Variants in KLF16 observed in about 807,000 individuals in gnomAD.
KLF16 encodes the protein KLF transcription factor 16.
Under a neutral mutation model 6.1 loss-of-function variants are expected in KLF16, and 6 were observed. That is an observed-to-expected ratio of 0.98 (90% CI 0.54 to 1.93). KLF16 has a LOEUF of 1.93. Among genes scored for constraint, KLF16 ranks in the 30% most tolerant of loss-of-function variants. The probability of loss-of-function intolerance (pLI) is 0.01; values close to 1 mark genes in which losing one functional copy is unlikely to be tolerated. For synonymous variants in KLF16, 211 were observed against 176.5 expected, an observed-to-expected ratio of 1.20 and a Z score of -1.55; for missense variants, 355 against 363.8, an observed-to-expected ratio of 0.98 and a Z score of 0.20.
intron 1 of KLF16, among the ~76,000 whole-genome samples, chr19:1,855,371 G>A (rs957409317): frequency 1.3e-5 from 2 of 151,020 alleles, no homozygotes; most frequent in Admixed American, 6.6e-5. Context: ...TCTGGGCCCC[G>A]ATCTCGGGGT....
In KLF16 at chr19:1,857,439, G is replaced by A. The variant is rs2011977171; in HGVS notation, c.458-2679C>T. On this transcript the variant is annotated intron_variant, in intron 1 of 1. Transcript: ENST00000250916. This position sits in a 1 kb window ranked among gnomAD's most constrained non-coding sequence, Gnocchi z 4.7. ...AACGCGGGAGGGCAGTGTGGGCGGG[G>A]CCGCGGTGGACTTGACCCTCTGACT... Among the ~76,000 whole-genome samples the A allele has an allele frequency of 1.3e-5, 2 of 152,238 alleles. No homozygotes were observed. Among genetic ancestry groups the A allele is most frequent in the Non-Finnish European group, 1.5e-5 (1 of 68,040 alleles).
the KLF16 span, among the ~76,000 whole-genome samples, chr19:1,869,026 CAAGATAGACTTTT>C: frequency 6.6e-6 from 1 of 151,988 alleles, no homozygotes; most frequent in Non-Finnish European, 1.5e-5. Flanking sequence ...CCTGAAGAAC[CAAGATAGACTTTT>C]AAGAGACTCA....
intron 1 of KLF16, among the ~76,000 whole-genome samples, chr19:1,858,250 T>C (rs2011994358): frequency 6.6e-6 from 1 of 152,022 alleles, no homozygotes; most frequent in Admixed American, 6.5e-5. Context: ...AGTGCAGTAG[T>C]CCAGCAGCTC....
the KLF16 span, among the ~76,000 whole-genome samples, chr19:1,869,372 C>T: frequency 6.6e-6 from 1 of 152,136 alleles, no homozygotes; most frequent in Non-Finnish European, 1.5e-5. Context: ...CCCAGCTACT[C>T]AGGAGGCTGA....
At chr19:1,862,317 T>G (rs2012082219) in intron 1 of KLF16, among the ~76,000 whole-genome samples, 1 of 152,022 alleles carries the variant, frequency 6.6e-6, no homozygotes. Flanking sequence ...GCCGAAGCGC[T>G]CCAACTACGC....
chr19:1,865,014 G>A (rs143332997), upstream of KLF16, among the ~76,000 whole-genome samples: 254 of 152,328 alleles, frequency 1.7e-3, 1 homozygote, highest in Non-Finnish European at 2.4e-3. Context: ...CCCATCCCCC[G>A]CCCACCTGCA....
upstream of KLF16, among the ~76,000 whole-genome samples, chr19:1,867,183 AAC>A (rs753706500): frequency 3.3e-5 from 5 of 152,198 alleles, no homozygotes; most frequent in African/African-American, 7.2e-5. Flanking sequence ...GAGGGCAAAG[AAC>A]ACAGTCTCCC....
At chr19:1,858,051 C>T (rs1385430994) in intron 1 of KLF16, among the ~76,000 whole-genome samples, 1 of 152,020 alleles carries the variant, frequency 6.6e-6, no homozygotes, top group Non-Finnish European at 1.5e-5. Context: ...CTTCCTTCCT[C>T]CCCCATCCCC....
chr19:1,858,192 G>C (rs2011993236), intron 1 of KLF16, among the ~76,000 whole-genome samples: 1 of 151,940 alleles, frequency 6.6e-6, no homozygotes, highest in Admixed American at 6.6e-5. Flanking sequence ...CATCACCTTC[G>C]GGATCCGTCC....
chr19:1,863,743 C>T (rs1251471506), upstream of KLF16, among the ~76,000 whole-genome samples: 1 of 143,090 alleles, frequency 7.0e-6, no homozygotes, highest in Non-Finnish European at 1.6e-5. Context: ...GCCGCAGCCA[C>T]GCCCCCCGCC....
Position 1,854,362 on chromosome 19 carries a change from G to C in KLF16, c.*97C>G. ...GGGGGCAGGGGTGTCTTCAGGGTTTGCCCACGGCTGGAAGGGGCCCAGGCT... is the reference window on the plus strand; with the variant it reads ...GGGGGCAGGGGTGTCTTCAGGGTTTCCCCACGGCTGGAAGGGGCCCAGGCT... On this transcript the variant is annotated 3_prime_UTR_variant, in exon 2 of 2. Coordinates refer to ENST00000250916, the MANE Select transcript of KLF16 (RefSeq NM_031918.4). The C allele has an allele frequency of 7.5e-7, 1 of 1,335,514 alleles. No homozygotes were observed. The allele number at this position is 1,335,514 out of a possible 1,614,324, so 82.7% of individuals were successfully genotyped here.
At chr19:1,866,202 G>T (rs967282223), upstream of KLF16, among the ~76,000 whole-genome samples, 5 of 152,100 alleles carry the variant, frequency 3.3e-5, no homozygotes, top group African/African-American at 1.2e-4. Context: ...CAGCTACTCA[G>T]AAGGCTGAGG....
chr19:1,854,998 G>C lies in KLF16; in HGVS notation c.458-238C>G, dbSNP rs566991388. On this transcript the variant is annotated intron_variant, in intron 1 of 1. Coordinates refer to ENST00000250916, the MANE Select transcript of KLF16 (RefSeq NM_031918.4). Reference sequence around the variant, plus strand: ...TTATTTCCTACCAGCTCTTAGAAAGGACTCTCCGGCGAGCCCAGAATCTGT... The same window carrying C: ...TTATTTCCTACCAGCTCTTAGAAAGCACTCTCCGGCGAGCCCAGAATCTGT... Among the ~76,000 whole-genome samples, 61 of 152,250 alleles carry C rather than the reference G, an allele frequency of 4.0e-4. 1 individual carries two copies. The South Asian group carries it at 0.012, about 31-fold the overall frequency.
At chr19:1,866,926 A>G (rs965086264), upstream of KLF16, among the ~76,000 whole-genome samples, 8 of 152,200 alleles carry the variant, frequency 5.3e-5, no homozygotes, top group East Asian at 7.7e-4. Flanking sequence ...TCTTTCTTCA[A>G]ACCTGTTCCT....
At chr19:1,876,115 A>C in the KLF16 span, 1 of 152,548 alleles carries the variant, frequency 6.6e-6, no homozygotes, top group Non-Finnish European at 1.5e-5. Flanking sequence ...CTTACCACCG[A>C]GGCCGCCTCT....
chr19:1,862,976 G>T, intron 1 of KLF16, 65 bp downstream of exon 1: 3 of 1,046,666 alleles, frequency 2.9e-6, no homozygotes, highest in Non-Finnish European at 3.6e-6. Flanking sequence ...CAGTTTCGGG[G>T]TCCTGGCGGG....
chr19:1,868,470 T>A (rs1306262811), upstream of KLF16, among the ~76,000 whole-genome samples: 2,144 of 42,992 alleles, frequency 0.05, 131 homozygotes, highest in African/African-American at 0.075. Context: ...GCTTTTTTTT[T>A]TTTTTTTTTT....
At chr19:1,872,608 G>A in the KLF16 span, among the ~76,000 whole-genome samples, 1 of 152,218 alleles carries the variant, frequency 6.6e-6, no homozygotes, top group Non-Finnish European at 1.5e-5. Context: ...GCTGGGTGCT[G>A]GGGAGAGAAT....
rs2012106735 is a variant in KLF16, at chr19:1,863,172, G to A, written c.326C>T (p.Ser109Phe). 1.6e-6 allele frequency: 2 copies of A among 1,253,732 alleles called. No individual in the cohort carries two copies. Among genetic ancestry groups the A allele is most frequent in the Non-Finnish European group, 1.0e-6 (1 of 983,826 alleles). The allele number at this position is 1,253,732 out of a possible 1,614,324, so 77.7% of individuals were successfully genotyped here. Reference sequence around the variant, plus strand: ...GCCGGGGGCGCGGCCCGAGGACGGGGACGAGGCGGCTGAGGAGGAGGAGGC... The same window carrying A: ...GCCGGGGGCGCGGCCCGAGGACGGGAACGAGGCGGCTGAGGAGGAGGAGGC... Reference protein sequence around the residue: ...SPASSSSAASSPSSGRAPGAA... With the variant: ...SPASSSSAASFPSSGRAPGAA... Residue 109 changes from serine (S) to phenylalanine (F), a missense_variant, in exon 1 of 2, where the codon TCC becomes TTC. Coordinates refer to ENST00000250916, the MANE Select transcript of KLF16 (RefSeq NM_031918.4).
Sources: allele counts gnomAD v4.1 joint callset (sites outside exome capture counted in the v4.1 genomes callset), GRCh38; gene constraint gnomAD v4.1.1; non-coding constraint Gnocchi (gnomAD v3.1); transcripts MANE v1.5; gene names NCBI Gene and HGNC (gene_info 2026-07-23, HGNC 2026-07-21).